The following SEMA3C variants were observed in gnomAD, a reference collection of about 807,000 sequenced individuals.
SEMA3C encodes semaphorin 3C.
Under a neutral mutation model 89.4 loss-of-function variants are expected in SEMA3C, and 47 were observed. That is an observed-to-expected ratio of 0.53 (90% CI 0.42 to 0.67). SEMA3C has a LOEUF of 0.67. SEMA3C is among the 30% of genes least tolerant of loss of function. SEMA3C has a pLI of 0.00. For missense variants in SEMA3C, 839 were observed against 929.1 expected (o/e 0.90, Z 1.26); for synonymous variants, 310 against 320.2 (o/e 0.97, Z 0.34).
At chr7:80,908,638 C>A (rs541757433) in intron 2 of SEMA3C, among the ~76,000 whole-genome samples, 1 of 152,244 alleles carries the variant, frequency 6.6e-6, no homozygotes, top group South Asian at 2.1e-4. Context: ...ACTCCCTTTA[C>A]ATCCCCGTTA....
At chr7:80,750,692 C>A (rs141024791) in intron 16 of SEMA3C, among the ~76,000 whole-genome samples, 1 of 151,430 alleles carries the variant, frequency 6.6e-6, no homozygotes, top group Non-Finnish European at 1.5e-5. Context: ...AAGTTGAATT[C>A]ATAAGAATTC....
At chr7:80,748,592 G>A (rs1787851905) in intron 17 of SEMA3C, among the ~76,000 whole-genome samples, 1 of 152,078 alleles carries the variant, frequency 6.6e-6, no homozygotes, top group Non-Finnish European at 1.5e-5. Context: ...TGAAAACTTG[G>A]CTTCTGGATT....
intron 13 of SEMA3C, among the ~76,000 whole-genome samples, chr7:80,764,389 A>C (rs180686413): frequency 6.6e-6 from 1 of 152,260 alleles, no homozygotes; most frequent in Admixed American, 6.5e-5. Context: ...CGCTTTACCC[A>C]TCTTTCCAAA....
intron 5 of SEMA3C, 69 bp downstream of exon 5, chr7:80,818,230 T>C (rs1026953127): frequency 1.4e-6 from 2 of 1,415,536 alleles, no homozygotes; most frequent in African/African-American, 1.4e-5. Context: ...AAGTTTTTAC[T>C]CTAAAATACA....
chr7:80,855,536 C>T (rs1392090234), intron 2 of SEMA3C, among the ~76,000 whole-genome samples: 1 of 152,144 alleles, frequency 6.6e-6, no homozygotes, highest in Non-Finnish European at 1.5e-5. Context: ...TCCCACAGCA[C>T]TGGGATTACA....
At chr7:80,838,299 A>G (rs901107763) in intron 2 of SEMA3C, among the ~76,000 whole-genome samples, 1 of 152,200 alleles carries the variant, frequency 6.6e-6, no homozygotes, top group Non-Finnish European at 1.5e-5. Context: ...ATATAAAAAA[A>G]GAATGAGAAT....
At position 80,786,029 on chromosome 7, in the gene SEMA3C, T is replaced by A. The variant is rs184666403; in HGVS notation, c.1354+3277A>T. 1.1e-3 allele frequency among the ~76,000 whole-genome samples: 172 copies of A among 152,308 alleles called. 1 individual carries two copies. The highest frequency in any genetic ancestry group is 3.8e-3 in the African/African-American group (158 of 41,570). ...GGTCCAGTGGCTAAGCGCGCTACCA[T>A]CTCTTCAGTAAGATGCTGTTGGCAG... is the stretch of plus-strand genomic sequence containing the variant. On this transcript the variant is annotated intron_variant, in intron 12 of 17. Transcript: ENST00000265361.
intron 2 of SEMA3C, among the ~76,000 whole-genome samples, chr7:80,893,399 G>A (rs904812130): frequency 1.3e-5 from 2 of 152,080 alleles, no homozygotes; most frequent in Non-Finnish European, 2.9e-5. Flanking sequence ...CTTCTTTCCT[G>A]ACCATATGTT....
intron 12 of SEMA3C, among the ~76,000 whole-genome samples, chr7:80,777,662 C>A (rs1355875246): frequency 6.6e-6 from 1 of 152,176 alleles, no homozygotes; most frequent in African/African-American, 2.4e-5. Context: ...ATGGGAATAT[C>A]TCTTGATCTA....
At position 80,792,642 on chromosome 7, in the gene SEMA3C, CA is replaced by C. The variant is rs375214665; in HGVS notation, c.1132-3115del. Among the ~76,000 whole-genome samples, 259 of 152,250 alleles carry C rather than the reference CA, an allele frequency of 1.7e-3. 2 individuals are homozygous for C. Among genetic ancestry groups the C allele is most frequent in the African/African-American group, 5.7e-3 (235 of 41,544 alleles). ...ATAGTTATTAAATAGGTAATCTAAACAAATCAAATAAGTTACTTTGCATTCA... is the reference window on the plus strand; with the variant it reads ...ATAGTTATTAAATAGGTAATCTAAACAATCAAATAAGTTACTTTGCATTCA... On this transcript the variant is annotated intron_variant, in intron 11 of 17. Coordinates refer to ENST00000265361, the MANE Select transcript of SEMA3C (RefSeq NM_006379.5).
intron 1 of SEMA3C, among the ~76,000 whole-genome samples, chr7:80,917,405 G>A (rs1228470630): frequency 6.6e-6 from 1 of 152,168 alleles, no homozygotes; most frequent in African/African-American, 2.4e-5. Flanking sequence ...TGACCAACAG[G>A]CAGTTGTTAA....
At chr7:80,768,696 T>C (rs554443411) in intron 12 of SEMA3C, among the ~76,000 whole-genome samples, 31 of 152,230 alleles carry the variant, frequency 2.0e-4, no homozygotes, top group African/African-American at 7.2e-4. Context: ...TAACAACCTA[T>C]TGGAATTAGC....
At chr7:80,817,012 G>A (rs575751548) in intron 5 of SEMA3C, among the ~76,000 whole-genome samples, 5 of 152,314 alleles carry the variant, frequency 3.3e-5, no homozygotes, top group South Asian at 2.1e-4. Flanking sequence ...GATTGCAGAC[G>A]TCTAAGGCAG....
intron 5 of SEMA3C, among the ~76,000 whole-genome samples, chr7:80,814,380 G>A (rs935007093): frequency 2.6e-5 from 4 of 152,102 alleles, no homozygotes; most frequent in East Asian, 1.9e-4. Flanking sequence ...GAGCCACCGC[G>A]CCCAGCCCTG....
At chr7:80,848,165 T>G (rs1227301065) in intron 2 of SEMA3C, among the ~76,000 whole-genome samples, 1 of 152,216 alleles carries the variant, frequency 6.6e-6, no homozygotes, top group Admixed American at 6.5e-5. Flanking sequence ...TTGCTGTAAT[T>G]AGATATTCAG....
chr7:80,754,957 G>GTTTTTTTTTTTTTTTTTTTTTTTTTTT (rs1368382376), intron 15 of SEMA3C, among the ~76,000 whole-genome samples: 3 of 108,362 alleles, frequency 2.8e-5, no homozygotes, highest in African/African-American at 3.5e-5. Context: ...GTTTTTTTTT[G>GTTTTTTTTTTTTTTTTTTTTTTTTTTT]TTTTTTTTTT....
intron 2 of SEMA3C, among the ~76,000 whole-genome samples, chr7:80,830,961 A>G (rs1421284937): frequency 2.6e-5 from 4 of 152,218 alleles, no homozygotes; most frequent in Non-Finnish European, 5.9e-5. Context: ...CAAAGCAAGT[A>G]TCACTCAAAG....
At chr7:80,768,356 T>C (rs908062204) in intron 12 of SEMA3C, among the ~76,000 whole-genome samples, 1 of 151,758 alleles carries the variant, frequency 6.6e-6, no homozygotes, top group East Asian at 1.9e-4. Flanking sequence ...TACTAAAAAA[T>C]ACAAAAAATT....
At chr7:80,852,476 CG>C (rs1790536718) in intron 2 of SEMA3C, among the ~76,000 whole-genome samples, 1 of 152,036 alleles carries the variant, frequency 6.6e-6, no homozygotes, top group African/African-American at 2.4e-5. Context: ...TAAGCAAAAA[CG>C]GGATCATCTC....
Sources: gnomAD v4.1 joint callset for allele counts (sites outside exome capture counted in the v4.1 genomes callset) on GRCh38, gnomAD v4.1.1 for gene constraint, MANE v1.5 for transcripts, NCBI Gene and HGNC (gene_info 2026-07-23, HGNC 2026-07-21) for gene names.